The following MAN2B2 variants were observed in gnomAD, a reference collection of about 807,000 sequenced individuals.
The protein encoded by MAN2B2 is epididymis-specific alpha-mannosidase.
MAN2B2 carries 106 observed loss-of-function variants against 117.1 expected under a neutral mutation model. That is an observed-to-expected ratio of 0.90 (90% CI 0.77 to 1.06). The LOEUF (loss-of-function observed/expected upper bound fraction) is 1.06. MAN2B2 is among the 50% of genes least tolerant of loss of function. The probability of loss-of-function intolerance (pLI) is 0.00; values close to 1 mark genes in which losing one functional copy is unlikely to be tolerated. For missense variants in MAN2B2, 1,326 were observed against 1,381.4 expected (o/e 0.96, Z 0.64); for synonymous variants, 544 against 595.1 (o/e 0.91, Z 1.25).
chr4:6,589,286 G>GC, intron 5 of MAN2B2, 126 bp downstream of exon 5: 1 of 721,540 alleles, frequency 1.4e-6, no homozygotes. Context: ...TGTTGCCCAG[G>GC]CCGGAGTGCA....
At chr4:6,580,486 T>C (rs745926981) in intron 3 of MAN2B2, among the ~76,000 whole-genome samples, 6 of 152,204 alleles carry the variant, frequency 3.9e-5, no homozygotes, top group Non-Finnish European at 7.3e-5. Context: ...ACTGTAGGCG[T>C]GTCCCCCACC....
At chr4:6,617,010 C>T (rs934698598) in intron 16 of MAN2B2, among the ~76,000 whole-genome samples, 4 of 152,188 alleles carry the variant, frequency 2.6e-5, no homozygotes, top group African/African-American at 9.7e-5. Flanking sequence ...AGGGAGGCCT[C>T]ACAATCATGG....
chr4:6,604,514 T>C (rs1267671095), intron 10 of MAN2B2, among the ~76,000 whole-genome samples: 1 of 135,606 alleles, frequency 7.4e-6, no homozygotes, highest in African/African-American at 2.9e-5. Flanking sequence ...AGGGATGGGA[T>C]GACTAGGGGG....
intron 10 of MAN2B2, among the ~76,000 whole-genome samples, chr4:6,603,958 C>G (rs1189178045): frequency 2.0e-5 from 3 of 152,164 alleles, no homozygotes; most frequent in African/African-American, 7.2e-5. Flanking sequence ...GCACAGTGCC[C>G]TCCTCCAGCC....
At chr4:6,594,787 A>G (rs1436748654) in intron 7 of MAN2B2, 55 bp downstream of exon 7, 5 of 1,527,764 alleles carry the variant, frequency 3.3e-6, no homozygotes, top group East Asian at 4.8e-5. Context: ...GGTATAGTCC[A>G]CGTACCCTCT....
At position 6,617,786 on chromosome 4, in the gene MAN2B2, T is replaced by C. The variant is rs538549267; in HGVS notation, c.2814+294T>C. 3.2e-5 allele frequency: 10 copies of C among 317,358 alleles called. No individual in the cohort carries two copies. The East Asian group carries it at 4.3e-4, about 14-fold the overall frequency. The allele number at this position is 317,358 out of a possible 1,614,324, so 19.7% of individuals were successfully genotyped here. A position where few individuals can be genotyped will look rare whatever the true frequency, so the allele number is the denominator to read the frequency against. ...ACCTCTGCCTCCCTGGCTCAAGTGA[T>C]CCTCCCACCTCAACCTCCCAAGTAA... On this transcript the variant is annotated intron_variant, in intron 17 of 18. Coordinates refer to ENST00000285599, the MANE Select transcript of MAN2B2 (RefSeq NM_015274.3).
At chr4:6,593,457 C>T (rs754681869) in intron 6 of MAN2B2, 107 bp downstream of exon 6, 33 of 1,149,780 alleles carry the variant, frequency 2.9e-5, no homozygotes, top group Non-Finnish European at 3.9e-5. Context: ...GCTAGGCAGC[C>T]ATGCTCAGCC....
In MAN2B2 at chr4:6,587,182, C is replaced by G. The variant is rs762354691; in HGVS notation, c.564+14C>G. Reference sequence around the variant, plus strand: ...CAGGAGGCCCGGGTGAGTGGTGTGCCGCGTCTGCTGCCGCCCAGCGACCGC... The same window carrying G: ...CAGGAGGCCCGGGTGAGTGGTGTGCGGCGTCTGCTGCCGCCCAGCGACCGC... On this transcript the variant is annotated intron_variant, in intron 4 of 18. Transcript: ENST00000285599. 6.2e-7 allele frequency: 1 copy of G among 1,606,380 alleles called. No homozygotes were observed. The highest frequency in any genetic ancestry group is 1.3e-5 in the African/African-American group (1 of 74,856).
rs1712086740 is a variant in MAN2B2, at chr4:6,620,000, T to C, written c.2888T>C (p.Met963Thr). The C allele has an allele frequency of 1.2e-6, 2 of 1,613,718 alleles. No homozygotes were observed. Among genetic ancestry groups the C allele is most frequent in the Non-Finnish European group, 1.7e-6 (2 of 1,179,898 alleles). ...CTCACAGGGACCTGGGATTTGAGCA[T>C]GCTGCACCGCTGGAGCTGGAGGACG... The part of the protein sequence containing the change: ...RSLTGTWDLS[M>T]LHRWSWRTGP... The change falls in exon 18 of 19, where the codon ATG becomes ACG. Residue 963 changes from methionine to threonine, a missense_variant. By Grantham distance (81) the Met-to-Thr change is moderately conservative. Coordinates refer to ENST00000285599, the MANE Select transcript of MAN2B2 (RefSeq NM_015274.3).
At position 6,597,451 on chromosome 4, in the gene MAN2B2, C is replaced by G. The variant is rs928757056; in HGVS notation, c.1248+148C>G. 2.0e-5 allele frequency: 18 copies of G among 895,520 alleles called. No homozygotes were observed. The African/African-American group carries it at 3.0e-4, about 15-fold the overall frequency. The allele number at this position is 895,520 out of a possible 1,614,324, so 55.5% of individuals were successfully genotyped here. A position where few individuals can be genotyped will look rare whatever the true frequency, so the allele number is the denominator to read the frequency against. ...ACTGAGGTTCCCTTTGGTTACAAGG[C>G]CAGTGCATGGTGAACCCAGGCCAAG... On this transcript the variant is annotated intron_variant, in intron 8 of 18. Coordinates refer to ENST00000285599, the MANE Select transcript of MAN2B2 (RefSeq NM_015274.3).
intron 18 of MAN2B2, 163 bp downstream of exon 18, chr4:6,620,207 C>A: frequency 1.7e-6 from 1 of 594,644 alleles, no homozygotes. Flanking sequence ...CTACTACAGT[C>A]GGTTAAGAAA....
chr4:6,605,735 CTTATCTACCCACCCAG>C (rs1184387876), intron 11 of MAN2B2, among the ~76,000 whole-genome samples: 2 of 152,002 alleles, frequency 1.3e-5, no homozygotes, highest in Non-Finnish European at 2.9e-5. Flanking sequence ...CACCCACCCA[CTTATCTACCCACCCAG>C]TTATCCATCC....
rs566044097 is a variant in MAN2B2 at position 6,606,852 on chromosome 4, G to A, written c.1814+1523G>A. 3.9e-5 allele frequency among the ~76,000 whole-genome samples: 6 copies of A among 152,330 alleles called. No individual in the cohort carries two copies. The South Asian group carries it at 1.2e-3, about 32-fold the overall frequency. Reference sequence around the variant, plus strand: ...GACAGCCTGTGCAGAGGCCTGGGGTGGGAAGCCAAGGGTGCAGACACCAAC... The same window carrying A: ...GACAGCCTGTGCAGAGGCCTGGGGTAGGAAGCCAAGGGTGCAGACACCAAC... On this transcript the variant is annotated intron_variant, in intron 11 of 18. Coordinates refer to ENST00000285599, the MANE Select transcript of MAN2B2 (RefSeq NM_015274.3).
chr4:6,598,476 C>A lies in MAN2B2; in HGVS notation c.1405+122C>A, dbSNP rs143218031. The A allele has an allele frequency of 6.3e-5, 69 of 1,095,714 alleles. 1 individual carries two copies. The East Asian group carries it at 1.6e-3, about 26-fold the overall frequency. The allele number at this position is 1,095,714 out of a possible 1,614,324, so 67.9% of individuals were successfully genotyped here. A position where few individuals can be genotyped will look rare whatever the true frequency, so the allele number is the denominator to read the frequency against. ...AGTCCACATCACCCATATCGCCCTT[C>A]CCCATGGTGAGAGCTCGGACAGGTG... On this transcript the variant is annotated intron_variant, in intron 9 of 18. Coordinates refer to ENST00000285599, the MANE Select transcript of MAN2B2 (RefSeq NM_015274.3).
In MAN2B2 at chr4:6,617,510, C is replaced by G. The variant is rs1452004832; in HGVS notation, c.2814+18C>G. 2 of 1,613,742 alleles carry G rather than the reference C, an allele frequency of 1.2e-6. No homozygotes were observed. The highest frequency in any genetic ancestry group is 1.3e-5 in the African/African-American group (1 of 75,054). On this transcript the variant is annotated intron_variant, in intron 17 of 18. Coordinates refer to ENST00000285599, the MANE Select transcript of MAN2B2 (RefSeq NM_015274.3). ...ATCTGGAGGTGAACTTCCCCACCCCCATCCAGACCATAAGCCAGGGAAGCA... is the reference window on the plus strand; with the variant it reads ...ATCTGGAGGTGAACTTCCCCACCCCGATCCAGACCATAAGCCAGGGAAGCA...
At chr4:6,593,496 C>G in intron 6 of MAN2B2, 146 bp downstream of exon 6, 1 of 780,200 alleles carries the variant, frequency 1.3e-6, no homozygotes. Context: ...TCCCTGCAGA[C>G]CCCTGGGCCT....
intron 10 of MAN2B2, among the ~76,000 whole-genome samples, chr4:6,603,559 G>A (rs1727417988): frequency 6.6e-6 from 1 of 152,130 alleles, no homozygotes; most frequent in Admixed American, 6.5e-5. Flanking sequence ...CCACTCAGAT[G>A]CAGTATCCGT....
intron 3 of MAN2B2, among the ~76,000 whole-genome samples, chr4:6,584,682 G>T (rs1212550663): frequency 6.6e-6 from 1 of 152,206 alleles, no homozygotes; most frequent in East Asian, 1.9e-4. Context: ...GTTAGATTTG[G>T]GTTTGCTGAC....
chr4:6,619,325 C>T (rs1278807897), intron 17 of MAN2B2: 1 of 152,252 alleles, frequency 6.6e-6, no homozygotes, highest in Non-Finnish European at 1.5e-5. Flanking sequence ...TTTGCGGTCA[C>T]AAGATGGCAC....
Sources: allele counts gnomAD v4.1 joint callset (sites outside exome capture counted in the v4.1 genomes callset), GRCh38; gene constraint gnomAD v4.1.1; transcripts MANE v1.5; gene names NCBI Gene and HGNC (gene_info 2026-07-23, HGNC 2026-07-21).